The following TMEM164 variants were observed in gnomAD, a reference collection of about 807,000 sequenced individuals.
TMEM164 encodes RP13-360B22.2.
Under a neutral mutation model 18.8 loss-of-function variants are expected in TMEM164, and 4 were observed. That is an observed-to-expected ratio of 0.21 (90% CI 0.10 to 0.49). The LOEUF (loss-of-function observed/expected upper bound fraction) is 0.49, where lower values mean the gene tolerates loss of function less well. TMEM164 is among the 20% of genes least tolerant of loss of function. TMEM164 has a pLI of 0.98. For missense variants in TMEM164, 108 were observed against 239.9 expected (o/e 0.45, Z 3.63); for synonymous variants, 86 against 101.7 (o/e 0.85, Z 0.93).
At chrX:110,003,407 C>T in intron 1 of TMEM164, 94 bp from the exon 2 acceptor site, 1 of 163,719 alleles carries the variant, frequency 6.1e-6, no homozygotes. Flanking sequence ...TTCCCGTTTT[C>T]TTCCCTCGCT....
intron 4 of TMEM164, among the ~76,000 whole-genome samples, chrX:110,136,420 A>G (rs1392363638): frequency 8.9e-6 from 1 of 112,103 alleles, no homozygotes; most frequent in African/African-American, 3.2e-5. Flanking sequence ...TGGCAGGAAC[A>G]TTATCAAGGG....
At chrX:110,138,451 A>AT (rs1371929887) in intron 4 of TMEM164, among the ~76,000 whole-genome samples, 13 of 112,134 alleles carry the variant, frequency 1.2e-4, no homozygotes, top group African/African-American at 3.9e-4. Context: ...TACAGATGGT[A>AT]TCTAGAGCCA....
At chrX:110,041,512 T>C (rs1437067342) in intron 2 of TMEM164, among the ~76,000 whole-genome samples, 1 of 111,419 alleles carries the variant, frequency 9.0e-6, no homozygotes, top group African/African-American at 3.3e-5. Flanking sequence ...ACATAAGATT[T>C]GTTGGGACTC....
chrX:110,183,009 G>A (rs1322806927), downstream of TMEM164, among the ~76,000 whole-genome samples: 1 of 112,227 alleles, frequency 8.9e-6, no homozygotes, highest in East Asian at 2.8e-4. Context: ...CTGCCCTCAC[G>A]TAACTGGGTT....
chrX:110,042,365 CT>C (rs1935135180), intron 2 of TMEM164, among the ~76,000 whole-genome samples: 1 of 111,343 alleles, frequency 9.0e-6, no homozygotes, highest in Admixed American at 9.6e-5. Flanking sequence ...AACTTTGTTC[CT>C]TTTTTAAGGG....
chrX:110,173,794 C>G lies in TMEM164; in HGVS notation c.*343C>G. On this transcript the variant is annotated 3_prime_UTR_variant, in exon 7 of 7. Transcript: ENST00000372068. ...AGCTGGTTGAGGAGAAAGGGAACAA[C>G]AAGTAGTAGTTCTTTTGGCATCGAA... 4.4e-6 allele frequency: 1 copy of G among 228,551 alleles called. No individual in the cohort carries two copies. Among genetic ancestry groups the G allele is most frequent in the South Asian group, 8.9e-5 (1 of 11,245 alleles). 18.8% of individuals were successfully genotyped at this position (228,551 alleles called of 1,213,427 possible). A position where few individuals can be genotyped will look rare whatever the true frequency, so the allele number is the denominator to read the frequency against.
chrX:110,089,026 G>C (rs745533806), intron 3 of TMEM164, among the ~76,000 whole-genome samples: 7 of 111,542 alleles, frequency 6.3e-5, no homozygotes, highest in Non-Finnish European at 1.3e-4. Context: ...AATTCCAAAG[G>C]GCAGGGGTTG....
At chrX:110,099,251 A>G (rs1195629857) in intron 3 of TMEM164, among the ~76,000 whole-genome samples, 1 of 111,097 alleles carries the variant, frequency 9.0e-6, no homozygotes, top group Non-Finnish European at 1.9e-5. Context: ...TCACAGATCA[A>G]AAGTTTTTCA....
chrX:110,011,532 A>G (rs1013058632), intron 2 of TMEM164, among the ~76,000 whole-genome samples: 2 of 112,191 alleles, frequency 1.8e-5, no homozygotes, highest in African/African-American at 6.5e-5. Flanking sequence ...TCTAGGCATA[A>G]GAAACAATAA....
intron 6 of TMEM164, among the ~76,000 whole-genome samples, chrX:110,172,560 A>G (rs980328024): frequency 9.0e-6 from 1 of 111,438 alleles, no homozygotes. Context: ...GAAGCCGTAC[A>G]AAGTTCACAC....
chrX:110,038,021 C>T lies in TMEM164; in HGVS notation c.391-29326C>T, dbSNP rs754551933. Among the ~76,000 whole-genome samples, 81 of 86,620 alleles carry T rather than the reference C, an allele frequency of 9.4e-4. 1 individual carries two copies. Among genetic ancestry groups the T allele is most frequent in the African/African-American group, 3.3e-3 (69 of 20,701 alleles). The allele number at this position is 86,620 out of a possible 115,157, so 75.2% of individuals were successfully genotyped here. ...TTTTTTTTTTTTTGAGACGGAGTCT[C>T]GCTCTGTCGCCCAGGCTGGAGTGCA... On this transcript the variant is annotated intron_variant, in intron 2 of 6. Coordinates refer to ENST00000372068, the MANE Select transcript of TMEM164 (RefSeq NM_032227.4).
chrX:110,011,702 A>G (rs1269224554), intron 2 of TMEM164, among the ~76,000 whole-genome samples: 1 of 112,010 alleles, frequency 8.9e-6, no homozygotes, highest in African/African-American at 3.2e-5. Flanking sequence ...GTAGATGTCT[A>G]GCTCTCTTCA....
intron 3 of TMEM164, among the ~76,000 whole-genome samples, chrX:110,092,898 T>C (rs1274503930): frequency 1.8e-5 from 2 of 112,116 alleles, no homozygotes; most frequent in African/African-American, 6.5e-5. Context: ...ATACCTAGTT[T>C]ATTGAGAATT....
intron 4 of TMEM164, among the ~76,000 whole-genome samples, chrX:110,129,060 A>G (rs1231540853): frequency 9.0e-6 from 1 of 111,425 alleles, no homozygotes; most frequent in Non-Finnish European, 1.9e-5. Flanking sequence ...ATCTGTCTTC[A>G]TTCTTGCTAG....
intron 4 of TMEM164, among the ~76,000 whole-genome samples, chrX:110,124,625 C>A (rs978308657): frequency 9.0e-6 from 1 of 111,622 alleles, no homozygotes; most frequent in Non-Finnish European, 1.9e-5. Flanking sequence ...GGTGGAAAAA[C>A]TTCGTAAGCT....
At chrX:110,169,521 G>A (rs1032697589) in intron 5 of TMEM164, among the ~76,000 whole-genome samples, 9 of 111,059 alleles carry the variant, frequency 8.1e-5, no homozygotes, top group Non-Finnish European at 1.5e-4. Context: ...TCCATCCCCT[G>A]CACACCAGCC....
chrX:110,036,353 TG>T (rs1184391404), intron 2 of TMEM164, among the ~76,000 whole-genome samples: 2 of 112,358 alleles, frequency 1.8e-5, no homozygotes, highest in Non-Finnish European at 3.8e-5. Context: ...TATGATCTCT[TG>T]CCTTTGAATC....
intron 5 of TMEM164, among the ~76,000 whole-genome samples, chrX:110,166,926 A>G (rs2067165719): frequency 8.9e-6 from 1 of 112,464 alleles, no homozygotes; most frequent in South Asian, 3.7e-4. Context: ...CAATTTGCAT[A>G]TATCTGTGTA....
rs148820862 is a variant in TMEM164 at position 110,153,828 on chromosome X, C to T, written c.586+8952C>T. On this transcript the variant is annotated intron_variant, in intron 5 of 6. Transcript: ENST00000372068. ...ATCAGTAGTGTATTTTATGCGTGGC[C>T]CAAGACAATTCTCCTTCCCATGTGG... 4.7e-4 allele frequency among the ~76,000 whole-genome samples: 52 copies of T among 111,112 alleles called. 1 individual carries two copies. Among genetic ancestry groups the T allele is most frequent in the African/African-American group, 1.5e-3 (47 of 30,572 alleles).
Sources: gnomAD v4.1 joint callset for allele counts (sites outside exome capture counted in the v4.1 genomes callset) on GRCh38, gnomAD v4.1.1 for gene constraint, MANE v1.5 for transcripts, NCBI Gene and HGNC (gene_info 2026-07-23, HGNC 2026-07-21) for gene names.